Variants in NRXN1 observed in about 807,000 individuals in gnomAD.
The protein encoded by NRXN1 is neurexin-1.
In NRXN1, 39 loss-of-function variants were observed where a neutral mutation model predicts 150.9. The observed-to-expected ratio is 0.26, with a 90% CI of 0.20 to 0.34. The LOEUF (loss-of-function observed/expected upper bound fraction) is 0.34, where lower values mean the gene tolerates loss of function less well. Among genes scored for constraint, NRXN1 ranks in the 10% least tolerant of loss-of-function variants. NRXN1 has a pLI of 1.00. For missense variants in NRXN1, 1,815 were observed against 1,949.9 expected (o/e 0.93, Z 1.30); for synonymous variants, 924 against 757.0 (o/e 1.22, Z -3.62).
intron 17 of NRXN1, among the ~76,000 whole-genome samples, chr2:50,453,425 G>C (rs1311157471): frequency 6.6e-6 from 1 of 152,022 alleles, no homozygotes; most frequent in Non-Finnish European, 1.5e-5. Context: ...TTTGATTCAG[G>C]TAGACAAATT....
intron 5 of NRXN1, among the ~76,000 whole-genome samples, chr2:50,714,138 C>T (rs1373361119): frequency 6.6e-6 from 1 of 152,138 alleles, no homozygotes; most frequent in Non-Finnish European, 1.5e-5. Context: ...CGTCTGTCTT[C>T]CACATCCCTG....
intron 17 of NRXN1, among the ~76,000 whole-genome samples, chr2:50,443,216 G>C (rs78396436): frequency 6.6e-6 from 1 of 151,496 alleles, no homozygotes; most frequent in Non-Finnish European, 1.5e-5. Context: ...ACAATTCAAG[G>C]GGGGGAGAGA....
chr2:50,335,871 T>C (rs1049605198), intron 17 of NRXN1, among the ~76,000 whole-genome samples: 1 of 148,238 alleles, frequency 6.7e-6, no homozygotes, highest in Non-Finnish European at 1.5e-5. Flanking sequence ...CTACCTTATA[T>C]CTAACCTCAG....
At chr2:50,952,166 C>T (rs983980278) in intron 2 of NRXN1, among the ~76,000 whole-genome samples, 1 of 151,018 alleles carries the variant, frequency 6.6e-6, no homozygotes, top group African/African-American at 2.4e-5. Flanking sequence ...CGGGGTTTCA[C>T]CGTTTTAGCC....
chr2:50,434,284 G>A (rs1018971635), intron 17 of NRXN1, among the ~76,000 whole-genome samples: 3 of 151,436 alleles, frequency 2.0e-5, no homozygotes, highest in South Asian at 2.1e-4. Context: ...GGGTTTCACC[G>A]TGTTGGCCAG....
chr2:50,179,780 TGGA>T (rs1238684601), intron 18 of NRXN1, among the ~76,000 whole-genome samples: 1 of 151,984 alleles, frequency 6.6e-6, no homozygotes, highest in African/African-American at 2.4e-5. Flanking sequence ...AAAAAAAATG[TGGA>T]GAATGAAAAT....
At chr2:50,081,339 G>A (rs1054397526) in intron 19 of NRXN1, among the ~76,000 whole-genome samples, 7 of 152,172 alleles carry the variant, frequency 4.6e-5, no homozygotes, top group Non-Finnish European at 1.0e-4. Flanking sequence ...AGCACTTTGG[G>A]GGGCTGAGGC....
At chr2:51,026,662 T>A (rs567071618) in intron 2 of NRXN1, among the ~76,000 whole-genome samples, 15 of 152,302 alleles carry the variant, frequency 9.8e-5, no homozygotes, top group South Asian at 2.1e-4. Context: ...AGCTTCCCAA[T>A]CCAGCAACAT....
chr2:50,388,160 G>A (rs1448196712), intron 17 of NRXN1, among the ~76,000 whole-genome samples: 1 of 152,110 alleles, frequency 6.6e-6, no homozygotes, highest in Non-Finnish European at 1.5e-5. Context: ...TGGGCAATCT[G>A]GGGTGGGGAG....
intron 5 of NRXN1, among the ~76,000 whole-genome samples, chr2:50,645,505 G>T: frequency 6.6e-6 from 1 of 151,800 alleles, no homozygotes; most frequent in East Asian, 2.0e-4. Flanking sequence ...CATCTCCCAT[G>T]AAAACGTGAG....
chr2:50,714,104 T>G (rs1695552676), intron 5 of NRXN1, among the ~76,000 whole-genome samples: 1 of 152,154 alleles, frequency 6.6e-6, no homozygotes, highest in Non-Finnish European at 1.5e-5. Flanking sequence ...AGCAAGATAC[T>G]TGATAAAGAA....
At chr2:51,026,326 C>T (rs1267516951) in intron 2 of NRXN1, 1 of 1,252,814 alleles carries the variant, frequency 8.0e-7, no homozygotes, top group Admixed American at 2.0e-5. Flanking sequence ...ATCCTGACAT[C>T]TCCTACTTAG....
chr2:49,922,211 G>T lies in NRXN1; in HGVS notation c.4257C>A (p.Gly1419=), dbSNP rs1668339540. 6.2e-7 allele frequency: 1 copy of T among 1,614,172 alleles called. No individual in the cohort carries two copies. The highest frequency in any genetic ancestry group is 8.5e-7 in the Non-Finnish European group (1 of 1,180,026). ...TGGACTCCCGGATCACTTCTGCTGA[G>T]CCTGGATACGGCTCTCTGCCGCCTG... ...TRAGGREPYP[G]SAEVIRESSS... Residue 1419 remains glycine, a synonymous_variant, in exon 23 of 23, where the codon GGC becomes GGA. Coordinates refer to ENST00000401669, the MANE Select transcript of NRXN1 (RefSeq NM_001330078.2).
chr2:50,182,718 T>G (rs770086557), intron 18 of NRXN1, among the ~76,000 whole-genome samples: 2 of 152,030 alleles, frequency 1.3e-5, no homozygotes, highest in Non-Finnish European at 2.9e-5. Context: ...TACAGGGAGA[T>G]ACAATAAAAA....
chr2:50,692,276 T>A (rs1692189843), intron 5 of NRXN1, among the ~76,000 whole-genome samples: 1 of 152,238 alleles, frequency 6.6e-6, no homozygotes, highest in Non-Finnish European at 1.5e-5. Flanking sequence ...TGCATCATTA[T>A]GTCATCCTGT....
intron 21 of NRXN1, among the ~76,000 whole-genome samples, chr2:50,029,391 A>G (rs1688854868): frequency 6.6e-6 from 1 of 152,284 alleles, no homozygotes; most frequent in Non-Finnish European, 1.5e-5. Context: ...GCCCAAATCC[A>G]TATATATCAA....
intron 12 of NRXN1, among the ~76,000 whole-genome samples, chr2:50,508,308 A>C (rs1403984163): frequency 3.9e-5 from 6 of 152,104 alleles, no homozygotes; most frequent in African/African-American, 1.4e-4. Context: ...ACTATTCTAG[A>C]TATAACAGTT....
chr2:50,147,390 G>A (rs1029077202), intron 18 of NRXN1, among the ~76,000 whole-genome samples: 2 of 151,636 alleles, frequency 1.3e-5, no homozygotes, highest in Non-Finnish European at 3.0e-5. Context: ...CTTGTCTTAG[G>A]TATTTGTGAA....
chr2:50,300,734 C>T (rs766884421), intron 17 of NRXN1, among the ~76,000 whole-genome samples: 22 of 152,254 alleles, frequency 1.4e-4, no homozygotes, highest in Non-Finnish European at 2.2e-4. Flanking sequence ...CTTGCTCTGT[C>T]ACCCAGGCTG....
Sources: allele counts gnomAD v4.1 joint callset (sites outside exome capture counted in the v4.1 genomes callset), GRCh38; gene constraint gnomAD v4.1.1; transcripts MANE v1.5; gene names NCBI Gene and HGNC (gene_info 2026-07-23, HGNC 2026-07-21).